UBE2QL1: variants seen among roughly 807,000 people sequenced by gnomAD.
The protein encoded by UBE2QL1 is ubiquitin conjugating enzyme E2 QL1.
A neutral mutation model predicts 12.6 loss-of-function variants in UBE2QL1; 5 were observed. That is an observed-to-expected ratio of 0.40 (90% CI 0.21 to 0.83). UBE2QL1 has a LOEUF of 0.83. Ranked by LOEUF, UBE2QL1 falls within the 40% of genes least tolerant of loss-of-function variation. UBE2QL1 has a pLI of 0.37. For missense variants in UBE2QL1, 99 were observed against 222.6 expected, an observed-to-expected ratio of 0.44 and a Z score of 3.53; for synonymous variants, 96 against 94.5, an observed-to-expected ratio of 1.02 and a Z score of -0.10.
Position 6,448,886 on chromosome 5 carries a change from G to C in UBE2QL1, c.-8G>C. The stretch of plus-strand genomic sequence containing the variant: ...CAACACTGCACGCAGGTGCGCAGCC[G>C]GCGGCTCATGAAGGAGCTGCAGGAC... On this transcript the variant is annotated 5_prime_UTR_variant, in exon 1 of 2. Coordinates refer to ENST00000399816, the MANE Select transcript of UBE2QL1 (RefSeq NM_001145161.3). 1 of 1,499,664 alleles carries C rather than the reference G, an allele frequency of 6.7e-7. No individual in the cohort carries two copies. The highest frequency in any genetic ancestry group is 8.9e-7 in the Non-Finnish European group (1 of 1,121,802). 92.9% of individuals were successfully genotyped at this position (1,499,664 alleles called of 1,614,324 possible).
chr5:6,477,913 C>A (rs1475045346), intron 1 of UBE2QL1, among the ~76,000 whole-genome samples: 1 of 152,176 alleles, frequency 6.6e-6, no homozygotes. Flanking sequence ...AAAAGACAGA[C>A]CTGGTGTCTC....
chr5:6,482,600 G>A (rs893933429), intron 1 of UBE2QL1, among the ~76,000 whole-genome samples: 3 of 152,166 alleles, frequency 2.0e-5, no homozygotes, highest in Non-Finnish European at 4.4e-5. Flanking sequence ...CTAGAGCACG[G>A]CTTCTCCACA....
At chr5:6,457,757 A>AGTG (rs1739559531) in intron 1 of UBE2QL1, among the ~76,000 whole-genome samples, 1 of 152,238 alleles carries the variant, frequency 6.6e-6, no homozygotes, top group Non-Finnish European at 1.5e-5. Flanking sequence ...TGCCAGAGCC[A>AGTG]CCTGGTCCTG....
chr5:6,468,619 C>T (rs1739844367), intron 1 of UBE2QL1, among the ~76,000 whole-genome samples: 1 of 152,190 alleles, frequency 6.6e-6, no homozygotes, highest in South Asian at 2.1e-4. Context: ...CAAGTTGATG[C>T]TTTTTCTTAA....
At position 6,449,373 on chromosome 5, in the gene UBE2QL1, T is replaced by A. The variant is rs919049143; in HGVS notation, c.354+126T>A. Reference sequence around the variant, plus strand: ...CGGCCATCTCGCTCCCTGCTCTGACTACACCAGCGCCCCACGGGGATGCTC... The same window carrying A: ...CGGCCATCTCGCTCCCTGCTCTGACAACACCAGCGCCCCACGGGGATGCTC... On this transcript the variant is annotated intron_variant, in intron 1 of 1. Transcript: ENST00000399816. The A allele has an allele frequency of 5.5e-6, 5 of 917,138 alleles. No homozygotes were observed. The African/African-American group carries it at 7.0e-5, about 13-fold the overall frequency. 56.8% of individuals were successfully genotyped at this position (917,138 alleles called of 1,614,324 possible).
At chr5:6,475,369 C>T (rs1368868585) in intron 1 of UBE2QL1, among the ~76,000 whole-genome samples, 1 of 152,134 alleles carries the variant, frequency 6.6e-6, no homozygotes, top group Non-Finnish European at 1.5e-5. Flanking sequence ...GACTCTTTTA[C>T]GATAATAGAA....
At chr5:6,450,012 A>G (rs1043195949) in intron 1 of UBE2QL1, among the ~76,000 whole-genome samples, 28 of 151,750 alleles carry the variant, frequency 1.8e-4, no homozygotes, top group Admixed American at 1.1e-3. Flanking sequence ...GGAAAGGTGG[A>G]AATTTTGCTC....
At chr5:6,474,669 G>A (rs926212941) in intron 1 of UBE2QL1, among the ~76,000 whole-genome samples, 1 of 152,204 alleles carries the variant, frequency 6.6e-6, no homozygotes, top group African/African-American at 2.4e-5. Context: ...GCATGCGGGG[G>A]CCTTCAGACT....
rs137879725 is a variant in UBE2QL1, at chr5:6,482,730, C to A, written c.355-8488C>A. Among the ~76,000 whole-genome samples the A allele has an allele frequency of 3.8e-3, 572 of 152,318 alleles. 1 individual carries two copies. The highest frequency in any genetic ancestry group is 6.8e-3 in the Middle Eastern group (2 of 294). ...TGGAGGCCAGGAGGCTGCTGAACAGCCTCAGTGCACACGGCTGGGAACGAC... is the reference window on the plus strand; with the variant it reads ...TGGAGGCCAGGAGGCTGCTGAACAGACTCAGTGCACACGGCTGGGAACGAC... On this transcript the variant is annotated intron_variant, in intron 1 of 1. Coordinates refer to ENST00000399816, the MANE Select transcript of UBE2QL1 (RefSeq NM_001145161.3).
At chr5:6,451,517 A>G (rs554008367) in intron 1 of UBE2QL1, among the ~76,000 whole-genome samples, 2 of 152,326 alleles carry the variant, frequency 1.3e-5, no homozygotes, top group South Asian at 4.1e-4. Flanking sequence ...TAAAATCCTA[A>G]CTGAACCCAT....
intron 1 of UBE2QL1, among the ~76,000 whole-genome samples, chr5:6,452,703 T>G (rs933812251): frequency 2.0e-5 from 3 of 152,196 alleles, no homozygotes; most frequent in Admixed American, 6.5e-5. Flanking sequence ...CTACAAAAAC[T>G]GCATTTTCGG....
intron 1 of UBE2QL1, among the ~76,000 whole-genome samples, chr5:6,452,746 T>C (rs1002245631): frequency 2.6e-5 from 4 of 152,168 alleles, no homozygotes; most frequent in African/African-American, 7.2e-5. Flanking sequence ...AGCATCAGCA[T>C]TGGGGAATGC....
chr5:6,482,319 T>C (rs1019769467), intron 1 of UBE2QL1, among the ~76,000 whole-genome samples: 1 of 152,078 alleles, frequency 6.6e-6, no homozygotes, highest in African/African-American at 2.4e-5. Flanking sequence ...AGTGCTGTGT[T>C]CCAGCAGGCC....
chr5:6,448,907 A>C lies in UBE2QL1; in HGVS notation c.14A>C (p.Gln5Pro). 1 of 1,537,458 alleles carries C rather than the reference A, an allele frequency of 6.5e-7. No individual in the cohort carries two copies. Among genetic ancestry groups the C allele is most frequent in the Non-Finnish European group, 8.8e-7 (1 of 1,141,088 alleles). MKEL[Q>P]DIARLSDRFI... ...AGCCGGCGGCTCATGAAGGAGCTGC[A>C]GGACATCGCGCGCCTTAGCGACCGC... Residue 5 changes from glutamine to proline, a missense_variant, in exon 1 of 2, where the codon CAG (glutamine) becomes CCG (proline). By Grantham distance (76) the Gln-to-Pro change is moderately conservative. Coordinates refer to ENST00000399816, the MANE Select transcript of UBE2QL1 (RefSeq NM_001145161.3).
At chr5:6,475,433 A>G (rs1734210367) in intron 1 of UBE2QL1, among the ~76,000 whole-genome samples, 1 of 152,022 alleles carries the variant, frequency 6.6e-6, no homozygotes, top group Non-Finnish European at 1.5e-5. Flanking sequence ...TGACTAAGCT[A>G]TCTTATGCCG....
At chr5:6,488,747 C>G (rs555093264) in intron 1 of UBE2QL1, among the ~76,000 whole-genome samples, 1 of 151,366 alleles carries the variant, frequency 6.6e-6, no homozygotes, top group African/African-American at 2.4e-5. Flanking sequence ...TTGCACTGAG[C>G]TATAATTGTA....
At chr5:6,470,028 G>A (rs1335015383) in intron 1 of UBE2QL1, among the ~76,000 whole-genome samples, 2 of 152,202 alleles carry the variant, frequency 1.3e-5, no homozygotes, top group African/African-American at 4.8e-5. Flanking sequence ...CGATGCCGGG[G>A]CCGCAGTGTT....
At chr5:6,450,154 G>A (rs1281426625) in intron 1 of UBE2QL1, among the ~76,000 whole-genome samples, 2 of 141,808 alleles carry the variant, frequency 1.4e-5, no homozygotes, top group Non-Finnish European at 3.0e-5. Context: ...AACCCCTTAG[G>A]ACCACCACCT....
intron 1 of UBE2QL1, among the ~76,000 whole-genome samples, chr5:6,486,384 C>A (rs1028806738): frequency 1.3e-5 from 2 of 152,014 alleles, no homozygotes; most frequent in African/African-American, 4.8e-5. Flanking sequence ...CCTCCCCCTC[C>A]CCCAAGCATA....
Sources: gnomAD v4.1 joint callset for allele counts (sites outside exome capture counted in the v4.1 genomes callset) on GRCh38, gnomAD v4.1.1 for gene constraint, MANE v1.5 for transcripts, NCBI Gene and HGNC (gene_info 2026-07-23, HGNC 2026-07-21) for gene names.